NR2F1-AS1: variants seen among roughly 807,000 people sequenced by gnomAD.
The protein encoded by NR2F1-AS1 is NR2F1 antisense RNA 1.
At chr5:93,424,894 A>G (rs1289208501) in intron 4 of NR2F1-AS1, among the ~76,000 whole-genome samples, 1 of 152,198 alleles carries the variant, frequency 6.6e-6, no homozygotes, top group Non-Finnish European at 1.5e-5. Flanking sequence ...AAAGCAGTAC[A>G]TGAATCAATG....
At position 93,471,584 on chromosome 5, in the gene NR2F1-AS1, G is replaced by T. The variant is rs190633239; in HGVS notation, n.639-76042C>A. Among the ~76,000 whole-genome samples, 54 of 151,812 alleles carry T rather than the reference G, an allele frequency of 3.6e-4. No individual in the cohort carries two copies. The East Asian group carries it at 4.4e-3, about 12-fold the overall frequency. On this transcript the variant is annotated intron_variant and non_coding_transcript_variant, in intron 4 of 5. Transcript: ENST00000660523. ...GTAGTAATTACACCTTTGGTTACAG[G>T]TGATAACTTACATTTTTCATATTTT...
intron 4 of NR2F1-AS1, among the ~76,000 whole-genome samples, chr5:93,520,282 A>C (rs1185796141): frequency 6.6e-6 from 1 of 152,008 alleles, no homozygotes; most frequent in Non-Finnish European, 1.5e-5. Flanking sequence ...GTTACTCTCC[A>C]CTTTTTTGTT....
intron 4 of NR2F1-AS1, among the ~76,000 whole-genome samples, chr5:93,472,097 A>T: frequency 6.6e-6 from 1 of 151,874 alleles, no homozygotes. Context: ...GATAACTTAT[A>T]TAAGTTCACA....
intron 4 of NR2F1-AS1, among the ~76,000 whole-genome samples, chr5:93,539,495 A>C (rs1043921209): frequency 6.6e-6 from 1 of 152,190 alleles, no homozygotes; most frequent in Non-Finnish European, 1.5e-5. Flanking sequence ...AAGTGAAATA[A>C]GCCAGACACA....
chr5:93,581,761 CTCTCT>C (rs1219413180), upstream of NR2F1-AS1, among the ~76,000 whole-genome samples: 2 of 17,846 alleles, frequency 1.1e-4, no homozygotes, highest in African/African-American at 4.2e-4. Flanking sequence ...TCTCCCTCTC[CTCTCT>C]CCCTCTCCCT....
chr5:93,479,892 TAA>T, intron 4 of NR2F1-AS1, among the ~76,000 whole-genome samples: 1 of 152,022 alleles, frequency 6.6e-6, no homozygotes, highest in East Asian at 1.9e-4. Flanking sequence ...ATGAAAAATA[TAA>T]GAGATTAAAT....
intron 4 of NR2F1-AS1, among the ~76,000 whole-genome samples, chr5:93,442,914 A>G (rs1749606130): frequency 6.6e-6 from 1 of 152,234 alleles, no homozygotes; most frequent in Admixed American, 6.5e-5. Flanking sequence ...TCTGCTGGTG[A>G]TACCCAGGCA....
chr5:93,424,070 T>C (rs903050208), intron 4 of NR2F1-AS1, among the ~76,000 whole-genome samples: 5 of 152,162 alleles, frequency 3.3e-5, no homozygotes, highest in Non-Finnish European at 7.3e-5. Context: ...CCCTCACTAT[T>C]GCTAGCTGGA....
At chr5:93,567,965 T>C (rs1457905528) in intron 1 of NR2F1-AS1, among the ~76,000 whole-genome samples, 2 of 152,206 alleles carry the variant, frequency 1.3e-5, no homozygotes, top group African/African-American at 2.4e-5. Flanking sequence ...CAAAGTGTTA[T>C]ACATGGTCCT....
upstream of NR2F1-AS1, chr5:93,583,296 T>TCC (rs749552272): frequency 6.8e-6 from 1 of 146,974 alleles, no homozygotes; most frequent in African/African-American, 2.5e-5. Flanking sequence ...TCTCTCTCTC[T>TCC]TCTTCTCTTC....
chr5:93,484,459 C>A (rs1006258272), intron 4 of NR2F1-AS1, among the ~76,000 whole-genome samples: 2 of 152,128 alleles, frequency 1.3e-5, no homozygotes, highest in African/African-American at 4.8e-5. Context: ...AAGCACTAAA[C>A]ATGGAAAGGA....
intron 4 of NR2F1-AS1, among the ~76,000 whole-genome samples, chr5:93,451,149 C>G (rs1049100054): frequency 6.6e-6 from 1 of 151,580 alleles, no homozygotes; most frequent in Admixed American, 6.6e-5. Context: ...GAAAGTGATA[C>G]CCCAGGTATT....
chr5:93,435,457 C>T (rs887617478), intron 4 of NR2F1-AS1, among the ~76,000 whole-genome samples: 1 of 152,052 alleles, frequency 6.6e-6, no homozygotes, highest in Admixed American at 6.6e-5. Context: ...TAGATTGTTC[C>T]ACTATAACAC....
chr5:93,427,339 C>T (rs1261812879), intron 4 of NR2F1-AS1, among the ~76,000 whole-genome samples: 1 of 152,062 alleles, frequency 6.6e-6, no homozygotes, highest in Non-Finnish European at 1.5e-5. Flanking sequence ...TTTAATTTTC[C>T]AAAATCCAAG....
chr5:93,531,612 G>A lies in NR2F1-AS1; in HGVS notation n.638+22149C>T, dbSNP rs183220412. 1.8e-3 allele frequency among the ~76,000 whole-genome samples: 280 copies of A among 152,278 alleles called. 1 individual carries two copies. Among genetic ancestry groups the A allele is most frequent in the Non-Finnish European group, 2.9e-3 (195 of 68,006 alleles). ...GGCTAATGACTCATACTTTGTTTTT[G>A]AGAATGGTTCCTTTACCATCTTTTC... On this transcript the variant is annotated intron_variant and non_coding_transcript_variant, in intron 4 of 5. Transcript: ENST00000660523.
intron 4 of NR2F1-AS1, among the ~76,000 whole-genome samples, chr5:93,503,855 C>CT (rs773195061): frequency 3.0e-4 from 45 of 152,212 alleles, no homozygotes; most frequent in Non-Finnish European, 4.4e-4. Context: ...CTCCATTTGC[C>CT]TTTTCCCTTT....
intron 4 of NR2F1-AS1, among the ~76,000 whole-genome samples, chr5:93,429,139 G>A (rs1286556438): frequency 6.6e-6 from 1 of 152,078 alleles, no homozygotes; most frequent in Non-Finnish European, 1.5e-5. Context: ...TTTTGTCAGA[G>A]CTGCATTTAT....
intron 4 of NR2F1-AS1, among the ~76,000 whole-genome samples, chr5:93,486,045 T>C (rs566023225): frequency 0.026 from 3,290 of 127,122 alleles, 136 homozygotes; most frequent in African/African-American, 0.093. Context: ...TTCTCACTCA[T>C]AGGTGGGAAT....
intron 4 of NR2F1-AS1, chr5:93,496,210 CTACCTTTGTCTG>C (rs1192598317): frequency 1.3e-5 from 2 of 152,170 alleles, no homozygotes; most frequent in Non-Finnish European, 2.9e-5. Flanking sequence ...CACATTTCAT[CTACCTTTGTCTG>C]TATGTAAATA....
Sources: gnomAD v4.1 joint callset for allele counts (sites outside exome capture counted in the v4.1 genomes callset) on GRCh38, gnomAD v4.1.1 for gene constraint, MANE v1.5 for transcripts, NCBI Gene and HGNC (gene_info 2026-07-23, HGNC 2026-07-21) for gene names.